NUP88: variants seen among roughly 807,000 people sequenced by gnomAD.
NUP88 encodes the protein nuclear pore complex protein Nup88.
Under a neutral mutation model 93.9 loss-of-function variants are expected in NUP88, and 57 were observed. That is an observed-to-expected ratio of 0.61 (90% confidence interval 0.49 to 0.76). The LOEUF (loss-of-function observed/expected upper bound fraction) is 0.76. Among genes scored for constraint, NUP88 ranks in the 30% least tolerant of loss-of-function variants. The pLI is 0.00. For synonymous variants in NUP88, 346 were observed against 336.8 expected (o/e 1.03, Z -0.30); for missense variants, 911 against 901.0 (o/e 1.01, Z -0.14).
At chr17:5,410,150 G>A (rs544068857) in intron 4 of NUP88, among the ~76,000 whole-genome samples, 2 of 152,316 alleles carry the variant, frequency 1.3e-5, no homozygotes, top group Admixed American at 6.5e-5. Flanking sequence ...TTTGGGTGCT[G>A]TATTGAAACA....
chr17:5,405,049 G>T lies in NUP88; in HGVS notation c.1044+8C>A, dbSNP rs116488594. ...AAGATACAAACAACCACAGCAGCCTGCACTTACCGTGTGGTCATCTTCTTC... is the reference window on the plus strand; with the variant it reads ...AAGATACAAACAACCACAGCAGCCTTCACTTACCGTGTGGTCATCTTCTTC... On this transcript the variant is annotated splice_region_variant and intron_variant, in intron 6 of 16. Coordinates refer to ENST00000573584, the MANE Select transcript of NUP88 (RefSeq NM_002532.6). 5,434 of 1,612,338 alleles carry T rather than the reference G, an allele frequency of 3.4e-3. 145 individuals are homozygous for T. In the African/African-American group the frequency reaches 0.061, roughly 18 times the overall value.
At chr17:5,392,090 T>C (rs567197622) in intron 9 of NUP88, among the ~76,000 whole-genome samples, 7 of 152,240 alleles carry the variant, frequency 4.6e-5, no homozygotes, top group South Asian at 2.1e-4. Context: ...GCACAGCGTG[T>C]ATCTCTCTCA....
At chr17:5,413,749 G>T (rs1385411235) in intron 3 of NUP88, among the ~76,000 whole-genome samples, 1 of 152,204 alleles carries the variant, frequency 6.6e-6, no homozygotes, top group Non-Finnish European at 1.5e-5. Context: ...TGACAATGAT[G>T]AAAGAGTTTT....
intron 3 of NUP88, among the ~76,000 whole-genome samples, chr17:5,411,873 AATG>A (rs1473653753): frequency 2.0e-5 from 3 of 152,252 alleles, no homozygotes; most frequent in Non-Finnish European, 4.4e-5. Flanking sequence ...ATAAATTTTT[AATG>A]ATAACTTGAT....
intron 8 of NUP88, 99 bp from the exon 9 acceptor site, chr17:5,395,080 G>C (rs1353409737): frequency 6.8e-6 from 5 of 737,368 alleles, no homozygotes; most frequent in African/African-American, 5.3e-5. Flanking sequence ...GTTCTTGTCT[G>C]AAAACATTGC....
In NUP88 at chr17:5,405,056, C is replaced by T; in HGVS notation, c.1044+1G>A. ...AAACAACCACAGCAGCCTGCACTTA[C>T]CGTGTGGTCATCTTCTTCTTCCCCT... On this transcript the variant is annotated splice_donor_variant, in intron 6 of 16. Coordinates refer to ENST00000573584, the MANE Select transcript of NUP88 (RefSeq NM_002532.6). LOFTEE classifies it high-confidence loss of function. 1 of 1,613,316 alleles carries T rather than the reference C, an allele frequency of 6.2e-7. No individual in the cohort carries two copies. The highest frequency in any genetic ancestry group is 8.5e-7 in the Non-Finnish European group (1 of 1,179,556).
Position 5,405,225 on chromosome 17 carries a change from C to A in NUP88, c.876G>T (p.Lys292Asn), listed in dbSNP as rs781001181. 1.9e-6 allele frequency: 3 copies of A among 1,613,310 alleles called. No homozygotes were observed. In the African/African-American group the frequency reaches 4.0e-5, roughly 22 times the overall value. The change falls in exon 6 of 17, where the codon AAG becomes AAT. Residue 292 changes from lysine to asparagine, a missense_variant. Transcript: ENST00000573584. The stretch of plus-strand genomic sequence containing the variant: ...GATGCATGGGCAATGGACCCAACAG[C>A]TTTCCAATATTTCCAGGGCTAAAGA... The part of the protein sequence containing the change: ...SLLHSPGNIG[K>N]LLGPLPMHPA...
chr17:5,394,665 T>TG (rs979486128), intron 9 of NUP88, among the ~76,000 whole-genome samples: 2 of 150,434 alleles, frequency 1.3e-5, no homozygotes, highest in Non-Finnish European at 3.0e-5. Context: ...GGGCTGGGGC[T>TG]GGGGCTGGGG....
intron 8 of NUP88, among the ~76,000 whole-genome samples, chr17:5,399,112 C>G (rs557948132): frequency 1.3e-5 from 2 of 150,688 alleles, no homozygotes; most frequent in East Asian, 3.9e-4. Flanking sequence ...AGGATGGTCT[C>G]AATCTCCTGA....
chr17:5,387,157 T>G (rs1350125660), intron 14 of NUP88, 47 bp from the exon 15 acceptor site: 8 of 1,590,520 alleles, frequency 5.0e-6, no homozygotes, highest in African/African-American at 2.7e-5. Context: ...CTCTACTAAT[T>G]AGGAGAAACA....
chr17:5,414,896 TGAG>T (rs905856217), intron 2 of NUP88, among the ~76,000 whole-genome samples: 3 of 151,892 alleles, frequency 2.0e-5, no homozygotes, highest in South Asian at 2.1e-4. Context: ...CAGCCCGGGC[TGAG>T]GAGGTTGCAG....
chr17:5,400,893 A>G (rs1228684000), intron 7 of NUP88, among the ~76,000 whole-genome samples: 1 of 152,202 alleles, frequency 6.6e-6, no homozygotes, highest in Non-Finnish European at 1.5e-5. Flanking sequence ...TTTGTTTGAC[A>G]ATCATTTATA....
intron 9 of NUP88, among the ~76,000 whole-genome samples, chr17:5,393,145 C>T (rs886511533): frequency 1.3e-5 from 2 of 151,826 alleles, no homozygotes; most frequent in Non-Finnish European, 1.5e-5. Context: ...TTAGTAGAGA[C>T]GGGGTTTCAC....
At position 5,387,063 on chromosome 17, in the gene NUP88, G is replaced by A. The variant is rs200367094; in HGVS notation, c.1964C>T (p.Ser655Phe). ...HSFHSELPVL[S>F]DSERDMKKEL... ...TTTCTTCATGTCTCGCTCACTATCA[G>A]AGAGAACTGGGAGCTCAGAGTGAAA... Residue 655 changes from serine to phenylalanine, a missense_variant, in exon 15 of 17, where the codon TCT (serine) becomes TTT (phenylalanine). Physicochemically the swap from Ser to Phe is radical, Grantham distance 155 (BLOSUM62 -2). Transcript: ENST00000573584. The A allele has an allele frequency of 9.3e-6, 15 of 1,614,020 alleles. No homozygotes were observed. Among genetic ancestry groups the A allele is most frequent in the Non-Finnish European group, 1.3e-5 (15 of 1,179,932 alleles).
rs942849659 is a variant in NUP88, at chr17:5,409,265, T to C, written c.681-356A>G. On this transcript the variant is annotated intron_variant, in intron 4 of 16. Coordinates refer to ENST00000573584, the MANE Select transcript of NUP88 (RefSeq NM_002532.6). The stretch of plus-strand genomic sequence containing the variant: ...GGCAGGTGCCTGTAGTCCCAGCTAC[T>C]TGGGAGGCTAAGGCAGGAGAATTGC... 2.6e-5 allele frequency among the ~76,000 whole-genome samples: 4 copies of C among 151,850 alleles called. No homozygotes were observed. The East Asian group carries it at 7.7e-4, about 29-fold the overall frequency.
At chr17:5,394,137 T>C (rs55662604) in intron 9 of NUP88, among the ~76,000 whole-genome samples, 67,368 of 151,782 alleles carry the variant, frequency 0.44, 15,692 homozygotes, top group East Asian at 0.84. Flanking sequence ...GAGTTCAGAG[T>C]GGTCTGGGCT....
At position 5,404,137 on chromosome 17, in the gene NUP88, A is replaced by G. The variant is rs1178817657; in HGVS notation, c.1154T>C (p.Phe385Ser). ...GACTGGACAAGAAAAGTCAGAATCA[A>G]AAGGGTCATCCTCTCCAGATGCCAG... The part of the protein sequence containing the change: ...LKLASGEDDP[F>S]DSDFSCPVKL... The change falls in exon 7 of 17, where the codon TTT becomes TCT. Residue 385 changes from phenylalanine to serine, a missense_variant. Physicochemically the swap from Phe to Ser is radical, Grantham distance 155. Transcript: ENST00000573584. 6.2e-7 allele frequency: 1 copy of G among 1,614,184 alleles called. No homozygotes were observed. Among genetic ancestry groups the G allele is most frequent in the Non-Finnish European group, 8.5e-7 (1 of 1,180,010 alleles).
At chr17:5,387,488 G>A in intron 13 of NUP88, 22 bp from the exon 14 acceptor site, 1 of 1,611,258 alleles carries the variant, frequency 6.2e-7, no homozygotes, top group South Asian at 1.1e-5. Flanking sequence ...AGACACAAGA[G>A]ACTCTTGAGG....
intron 8 of NUP88, among the ~76,000 whole-genome samples, chr17:5,398,698 C>A (rs1912944590): frequency 6.6e-6 from 1 of 151,950 alleles, no homozygotes; most frequent in Non-Finnish European, 1.5e-5. Context: ...AAGCGACTCT[C>A]CTACCTCAGC....
Sources: allele counts gnomAD v4.1 joint callset (sites outside exome capture counted in the v4.1 genomes callset), GRCh38; gene constraint gnomAD v4.1.1; transcripts MANE v1.5; gene names NCBI Gene and HGNC (gene_info 2026-07-23, HGNC 2026-07-21).